ANKS1B: variants seen among roughly 807,000 people sequenced by gnomAD.
The protein encoded by ANKS1B is ankyrin repeat and sterile alpha motif domain-containing protein 1B.
ANKS1B carries 36 observed loss-of-function variants against 148.3 expected under a neutral mutation model. The observed-to-expected ratio is 0.24, with a 90% CI of 0.19 to 0.32. The LOEUF is 0.32. ANKS1B is among the 10% of genes least tolerant of loss of function. ANKS1B has a pLI of 1.00. For synonymous variants in ANKS1B, 542 were observed against 560.8 expected (o/e 0.97, Z 0.47); for missense variants, 1,157 against 1,542.6 (o/e 0.75, Z 4.19).
At chr12:99,882,248 T>C (rs1418923802) in intron 1 of ANKS1B, among the ~76,000 whole-genome samples, 1 of 18,784 alleles carries the variant, frequency 5.3e-5, no homozygotes. Flanking sequence ...CTTTAAAAAA[T>C]AAATAAGAGC....
chr12:99,882,070 A>C (rs543053155), intron 1 of ANKS1B, among the ~76,000 whole-genome samples: 1 of 152,350 alleles, frequency 6.6e-6, no homozygotes, highest in Non-Finnish European at 1.5e-5. Flanking sequence ...AAGGAAATAG[A>C]AGACGTGAAG....
intron 2 of ANKS1B, among the ~76,000 whole-genome samples, chr12:99,816,231 T>C (rs981236593): frequency 6.6e-6 from 1 of 151,976 alleles, no homozygotes; most frequent in African/African-American, 2.4e-5. Context: ...TTTATTTCCC[T>C]GATGATTAGT....
chr12:99,708,513 C>A (rs1298063701), intron 8 of ANKS1B, among the ~76,000 whole-genome samples: 1 of 152,150 alleles, frequency 6.6e-6, no homozygotes, highest in Non-Finnish European at 1.5e-5. Context: ...AGGGCTGCCT[C>A]CTCTAGAGGA....
At chr12:99,879,553 T>G (rs900053185) in intron 1 of ANKS1B, among the ~76,000 whole-genome samples, 3 of 152,204 alleles carry the variant, frequency 2.0e-5, no homozygotes, top group Non-Finnish European at 4.4e-5. Flanking sequence ...AATTTCTGAT[T>G]CCTAAGCCTA....
chr12:99,897,492 T>C (rs7308040), intron 1 of ANKS1B, among the ~76,000 whole-genome samples: 8,453 of 151,238 alleles, frequency 0.056, 843 homozygotes, highest in African/African-American at 0.19. Flanking sequence ...GGAATTACTA[T>C]TAAACTAGTG....
rs1006962855 is a variant in ANKS1B at position 99,250,240 on chromosome 12, G to C, written c.1757-3376C>G. Among the ~76,000 whole-genome samples the C allele has an allele frequency of 1.2e-4, 18 of 152,194 alleles. 1 individual carries two copies. The highest frequency in any genetic ancestry group is 8.5e-4 in the Admixed American group (13 of 15,280). ...CCTAGTTGTCTGGTCATTAGAGCAGGTGAATGAATAGTGGCCTAGAGAGTG... is the reference window on the plus strand; with the variant it reads ...CCTAGTTGTCTGGTCATTAGAGCAGCTGAATGAATAGTGGCCTAGAGAGTG... On this transcript the variant is annotated intron_variant, in intron 12 of 26. Coordinates refer to ENST00000683438, the MANE Select transcript of ANKS1B (RefSeq NM_001352186.2).
chr12:99,608,503 C>T (rs559362085), intron 9 of ANKS1B, among the ~76,000 whole-genome samples: 17 of 152,192 alleles, frequency 1.1e-4, no homozygotes, highest in Admixed American at 2.6e-4. Flanking sequence ...TTACAGCAAC[C>T]GCTGTCTGTT....
rs1026057579 is a variant in ANKS1B, at chr12:99,209,437, G to A, written c.2419+34905C>T. ...ACTATTTTTTGAGTTTTTACTATCT[G>A]CCTGTGGACTGGACTGGATCCTGAA... On this transcript the variant is annotated intron_variant, in intron 14 of 26. Transcript: ENST00000683438. 2.6e-5 allele frequency among the ~76,000 whole-genome samples: 4 copies of A among 152,142 alleles called. No individual in the cohort carries two copies. In the South Asian group the frequency reaches 8.3e-4, roughly 32 times the overall value.
At chr12:99,222,859 T>C (rs2085335618) in intron 14 of ANKS1B, among the ~76,000 whole-genome samples, 1 of 152,212 alleles carries the variant, frequency 6.6e-6, no homozygotes, top group African/African-American at 2.4e-5. Context: ...ATTCAAAGTC[T>C]GCAGCACTTA....
intron 12 of ANKS1B, among the ~76,000 whole-genome samples, chr12:99,362,296 C>T (rs552010606): frequency 3.6e-4 from 55 of 152,088 alleles, no homozygotes; most frequent in African/African-American, 1.2e-3. Context: ...TGCTGAGAGA[C>T]TTCATTATAC....
At chr12:98,944,418 C>A (rs540620102) in intron 17 of ANKS1B, among the ~76,000 whole-genome samples, 1 of 151,814 alleles carries the variant, frequency 6.6e-6, no homozygotes, top group African/African-American at 2.4e-5. Context: ...CAGATGCTGG[C>A]GCCATGCTTC....
At chr12:99,276,058 A>C (rs1042071373) in intron 12 of ANKS1B, among the ~76,000 whole-genome samples, 1 of 152,224 alleles carries the variant, frequency 6.6e-6, no homozygotes, top group Non-Finnish European at 1.5e-5. Context: ...TGGATCTAAA[A>C]GAGTAGGAAT....
intron 8 of ANKS1B, among the ~76,000 whole-genome samples, chr12:99,692,472 A>G (rs2153505588): frequency 6.6e-6 from 1 of 152,170 alleles, no homozygotes; most frequent in African/African-American, 2.4e-5. Context: ...GGAGTTCAAG[A>G]CCAGCCTGGG....
intron 17 of ANKS1B, among the ~76,000 whole-genome samples, chr12:98,950,061 G>T (rs989784060): frequency 2.0e-5 from 3 of 152,146 alleles, no homozygotes; most frequent in African/African-American, 7.2e-5. Flanking sequence ...CTTCCAAGAG[G>T]GTATGATGGT....
At chr12:99,170,261 C>G (rs1433779608) in intron 14 of ANKS1B, among the ~76,000 whole-genome samples, 7 of 152,200 alleles carry the variant, frequency 4.6e-5, no homozygotes, top group African/African-American at 1.7e-4. Flanking sequence ...GTCCAGAAGA[C>G]AGCTGCCTTG....
intron 17 of ANKS1B, among the ~76,000 whole-genome samples, chr12:98,881,511 G>GT (rs1233437428): frequency 1.3e-5 from 2 of 152,096 alleles, no homozygotes; most frequent in African/African-American, 2.4e-5. Context: ...CTTTGTGCCT[G>GT]TTTTTTGATT....
chr12:98,878,573 G>C (rs1286786308), intron 17 of ANKS1B, among the ~76,000 whole-genome samples: 1 of 152,172 alleles, frequency 6.6e-6, no homozygotes, highest in Non-Finnish European at 1.5e-5. Flanking sequence ...ACAGGGATCA[G>C]AGGACACCAT....
chr12:99,165,638 T>C (rs1255769024), intron 14 of ANKS1B, among the ~76,000 whole-genome samples: 1 of 151,858 alleles, frequency 6.6e-6, no homozygotes, highest in Admixed American at 6.6e-5. Flanking sequence ...TTAAAATCTT[T>C]ATACAAAACA....
At chr12:99,230,852 T>C (rs1280863219) in intron 14 of ANKS1B, among the ~76,000 whole-genome samples, 1 of 152,072 alleles carries the variant, frequency 6.6e-6, no homozygotes, top group East Asian at 1.9e-4. Context: ...AAAAAGTCAG[T>C]AAAATGTTAT....
Sources: allele counts gnomAD v4.1 joint callset (sites outside exome capture counted in the v4.1 genomes callset), GRCh38; gene constraint gnomAD v4.1.1; transcripts MANE v1.5; gene names NCBI Gene and HGNC (gene_info 2026-07-23, HGNC 2026-07-21).